Variants in LRBA observed in about 807,000 individuals in gnomAD.
The protein encoded by LRBA is LPS responsive beige-like anchor protein, also known as lipopolysaccharide-responsive and beige-like anchor protein.
LRBA carries 176 observed loss-of-function variants against 330.0 expected under a neutral mutation model. The ratio of observed to expected loss-of-function variants is 0.53; its 90% CI spans 0.47 to 0.60. The LOEUF (loss-of-function observed/expected upper bound fraction) is 0.60, where lower values mean the gene tolerates loss of function less well. LRBA is among the 20% of genes least tolerant of loss of function. LRBA has a pLI of 0.00. For missense variants in LRBA, 3,259 were observed against 3,444.8 expected, an observed-to-expected ratio of 0.95 and a Z score of 1.35; for synonymous variants, 1,230 against 1,193.0, an observed-to-expected ratio of 1.03 and a Z score of -0.64.
chr4:150,372,782 C>A (rs1740587911), intron 47 of LRBA, among the ~76,000 whole-genome samples: 1 of 74,242 alleles, frequency 1.3e-5, no homozygotes. Flanking sequence ...TAGTTCTCCT[C>A]CTGTGATGGC....
intron 29 of LRBA, among the ~76,000 whole-genome samples, chr4:150,830,115 T>C (rs1746944324): frequency 6.6e-6 from 1 of 152,174 alleles, no homozygotes; most frequent in African/African-American, 2.4e-5. Flanking sequence ...TTCCTAACTG[T>C]TGTGGAAGAG....
At chr4:150,660,732 TC>T (rs1228214627) in intron 37 of LRBA, among the ~76,000 whole-genome samples, 1 of 130,902 alleles carries the variant, frequency 7.6e-6, no homozygotes, top group African/African-American at 2.8e-5. Context: ...TAAGAAAAAT[TC>T]CTCTGTCTTG....
chr4:150,710,735 G>A (rs1337309170), intron 36 of LRBA, among the ~76,000 whole-genome samples: 1 of 151,802 alleles, frequency 6.6e-6, no homozygotes, highest in Non-Finnish European at 1.5e-5. Context: ...CCTAAACAAG[G>A]CAGTGAAGAA....
intron 5 of LRBA, among the ~76,000 whole-genome samples, chr4:150,917,750 A>G (rs1427920864): frequency 6.6e-6 from 1 of 152,108 alleles, no homozygotes; most frequent in Non-Finnish European, 1.5e-5. Context: ...AACATGGTGA[A>G]ACCCTGCCTC....
intron 37 of LRBA, among the ~76,000 whole-genome samples, chr4:150,604,996 A>G (rs1774488832): frequency 1.3e-5 from 2 of 152,230 alleles, no homozygotes; most frequent in South Asian, 4.1e-4. Flanking sequence ...GTCAAAACAC[A>G]AGCAAAATTC....
chr4:150,330,407 T>C (rs539909372), intron 48 of LRBA, among the ~76,000 whole-genome samples: 4 of 152,296 alleles, frequency 2.6e-5, no homozygotes, highest in African/African-American at 9.6e-5. Context: ...TGTAATGTTA[T>C]TTATGTCTGT....
At position 150,852,058 on chromosome 4, in the gene LRBA, G is replaced by A. The variant is rs1324575024; in HGVS notation, c.3652C>T (p.Leu1218Phe). The A allele has an allele frequency of 1.2e-6, 2 of 1,614,098 alleles. No individual in the cohort carries two copies. Among genetic ancestry groups the A allele is most frequent in the African/African-American group, 1.3e-5 (1 of 75,030 alleles). The change falls in exon 23 of 57, where the codon CTC becomes TTC. Residue 1218 changes from leucine to phenylalanine, a missense_variant. Physicochemically the swap from Leu to Phe is conservative, Grantham distance 22. Transcript: ENST00000651943. ...MLEEGKKATNLTRETKLINDC... is the reference protein window; with the variant it reads ...MLEEGKKATNFTRETKLINDC... ...TTAATTAATTTGGTTTCTCTAGTGA[G>A]GTTAGTTGCTTTCTTCCCTTCCTCC...
chr4:150,717,667 C>CAATAATACTAATAAT (rs1553944883), intron 36 of LRBA, among the ~76,000 whole-genome samples: 2 of 15,972 alleles, frequency 1.3e-4, no homozygotes, highest in Non-Finnish European at 6.3e-4. Context: ...CTCAAAATAA[C>CAATAATACTAATAAT]AATAATAGTA....
At chr4:150,279,516 T>C (rs1747237054) in intron 55 of LRBA, among the ~76,000 whole-genome samples, 3 of 152,374 alleles carry the variant, frequency 2.0e-5, no homozygotes, top group African/African-American at 7.2e-5. Flanking sequence ...GACACTGTTC[T>C]ACATTCAGTT....
intron 47 of LRBA, among the ~76,000 whole-genome samples, chr4:150,357,651 CTTT>C (rs142531975): frequency 2.5e-4 from 35 of 138,308 alleles, no homozygotes; most frequent in Admixed American, 4.3e-4. Flanking sequence ...GGATATTGAG[CTTT>C]TTTTTTTTTT....
intron 23 of LRBA, 83 bp downstream of exon 23, chr4:150,851,802 A>C: frequency 7.3e-7 from 1 of 1,361,562 alleles, no homozygotes. Flanking sequence ...CCAAATTCAA[A>C]ATAAAATAAA....
intron 31 of LRBA, among the ~76,000 whole-genome samples, chr4:150,809,226 T>C (rs1043265185): frequency 1.6e-4 from 25 of 152,020 alleles, no homozygotes. Context: ...TATACAAACA[T>C]ACACACACAC....
At chr4:150,751,006 C>T (rs1004772113) in intron 35 of LRBA, among the ~76,000 whole-genome samples, 1 of 151,744 alleles carries the variant, frequency 6.6e-6, no homozygotes, top group East Asian at 1.9e-4. Flanking sequence ...AGGCTATACC[C>T]CATCATTATT....
chr4:150,308,364 G>A (rs1203720522), intron 52 of LRBA, among the ~76,000 whole-genome samples: 2 of 152,320 alleles, frequency 1.3e-5, no homozygotes, highest in South Asian at 4.1e-4. Flanking sequence ...TTGTGGTGGT[G>A]CTGGTTTAAA....
chr4:150,771,658 T>A (rs1020482819), intron 34 of LRBA, among the ~76,000 whole-genome samples: 6 of 152,098 alleles, frequency 3.9e-5, no homozygotes, highest in Admixed American at 3.9e-4. Flanking sequence ...AGGTTGATCA[T>A]CCTAGGGAAC....
intron 46 of LRBA, among the ~76,000 whole-genome samples, chr4:150,433,706 A>T (rs1318278103): frequency 5.9e-5 from 9 of 152,166 alleles, no homozygotes; most frequent in Admixed American, 5.9e-4. Context: ...AGAGTTACAT[A>T]AGTAATTAAA....
chr4:150,854,305 T>C (rs544643766), intron 22 of LRBA, among the ~76,000 whole-genome samples: 1 of 152,354 alleles, frequency 6.6e-6, no homozygotes, highest in South Asian at 2.1e-4. Flanking sequence ...AATAAATGCA[T>C]GTATTCCTCA....
At chr4:150,716,622 T>C (rs1367605631) in intron 36 of LRBA, among the ~76,000 whole-genome samples, 1 of 151,978 alleles carries the variant, frequency 6.6e-6, no homozygotes, top group Non-Finnish European at 1.5e-5. Context: ...AATAAACACG[T>C]TTAAATTTAA....
intron 55 of LRBA, among the ~76,000 whole-genome samples, chr4:150,279,446 CAG>C (rs1345807862): frequency 2.0e-5 from 3 of 152,166 alleles, no homozygotes; most frequent in African/African-American, 7.2e-5. Context: ...CACCTGGACA[CAG>C]GGGAATACAG....
Sources: allele counts gnomAD v4.1 joint callset (sites outside exome capture counted in the v4.1 genomes callset), GRCh38; gene constraint gnomAD v4.1.1; transcripts MANE v1.5; gene names NCBI Gene and HGNC (gene_info 2026-07-23, HGNC 2026-07-21).